The following DOCK1 variants were observed in gnomAD, a reference collection of about 807,000 sequenced individuals.
The protein encoded by DOCK1 is dedicator of cytokinesis protein 1.
Under a neutral mutation model 262.7 loss-of-function variants are expected in DOCK1, and 138 were observed. That is an observed-to-expected ratio of 0.53 (90% CI 0.46 to 0.61). The LOEUF is 0.61. Ranked by LOEUF, DOCK1 falls within the 20% of genes least tolerant of loss-of-function variation. The probability of loss-of-function intolerance (pLI) is 0.00; values close to 1 mark genes in which losing one functional copy is unlikely to be tolerated. For synonymous variants in DOCK1, 866 were observed against 867.4 expected, an observed-to-expected ratio of 1.00 and a Z score of 0.03; for missense variants, 1,908 against 2,370.7, an observed-to-expected ratio of 0.80 and a Z score of 4.05.
At chr10:126,958,532 G>T (rs2036931802) in intron 1 of DOCK1, among the ~76,000 whole-genome samples, 1 of 152,156 alleles carries the variant, frequency 6.6e-6, no homozygotes, top group Non-Finnish European at 1.5e-5. Flanking sequence ...AGGTGATGAT[G>T]TCTTGATTTA....
At chr10:126,989,937 C>A (rs890125409) in intron 5 of DOCK1, among the ~76,000 whole-genome samples, 1 of 152,160 alleles carries the variant, frequency 6.6e-6, no homozygotes, top group Non-Finnish European at 1.5e-5. Context: ...CAGCAGCCCG[C>A]CCAGGGTGGA....
intron 25 of DOCK1, among the ~76,000 whole-genome samples, chr10:127,121,138 A>G (rs2049534079): frequency 6.6e-6 from 1 of 152,108 alleles, no homozygotes; most frequent in African/African-American, 2.4e-5. Context: ...CCATAAAGTG[A>G]CCCAGGTTCC....
intron 1 of DOCK1, among the ~76,000 whole-genome samples, chr10:126,941,614 G>A (rs1326551890): frequency 6.6e-6 from 1 of 152,118 alleles, no homozygotes; most frequent in Non-Finnish European, 1.5e-5. Flanking sequence ...AAATTAGCCA[G>A]GCGTGGTGGC....
intron 40 of DOCK1, 138 bp from the exon 41 acceptor site, chr10:127,408,899 T>G (rs375341436): frequency 8.5e-7 from 1 of 1,169,882 alleles, no homozygotes; most frequent in Admixed American, 3.0e-5. Flanking sequence ...CAAAAAAAAA[T>G]AAAAATTACA....
At chr10:127,339,158 T>TA (rs2063319314) in intron 30 of DOCK1, 74 bp downstream of exon 30, 6 of 1,309,492 alleles carry the variant, frequency 4.6e-6, no homozygotes, top group Non-Finnish European at 6.4e-6. Flanking sequence ...GCCAGTATCT[T>TA]ACAGTATTTC....
intron 27 of DOCK1, among the ~76,000 whole-genome samples, chr10:127,204,767 G>T (rs2057635910): frequency 6.6e-6 from 1 of 152,194 alleles, no homozygotes; most frequent in South Asian, 2.1e-4. Context: ...CATTGAAGAA[G>T]ATCACCTAGG....
intron 2 of DOCK1, among the ~76,000 whole-genome samples, chr10:126,973,249 G>A (rs1348451925): frequency 1.3e-5 from 2 of 148,368 alleles, no homozygotes; most frequent in South Asian, 2.1e-4. Context: ...TTTTTTTTGA[G>A]ATGGAGGCTC....
chr10:127,173,966 G>A (rs1245920917), intron 27 of DOCK1, among the ~76,000 whole-genome samples: 1 of 152,218 alleles, frequency 6.6e-6, no homozygotes, highest in Admixed American at 6.5e-5. Flanking sequence ...AGCAGCCAGA[G>A]CCCAGGGCAG....
intron 18 of DOCK1, among the ~76,000 whole-genome samples, chr10:127,035,976 T>C (rs1164621859): frequency 1.3e-5 from 2 of 151,192 alleles, no homozygotes; most frequent in African/African-American, 4.9e-5. Flanking sequence ...CACCCCAGCC[T>C]GTATGACAGA....
At position 127,043,153 on chromosome 10, in the gene DOCK1, G is replaced by A. The variant is rs781005154; in HGVS notation, c.2190G>A (p.Thr730=). Residue 730 remains threonine (T), a synonymous_variant, in exon 21 of 52, where the codon ACG becomes ACA. Coordinates refer to ENST00000623213, the MANE Select transcript of DOCK1 (RefSeq NM_001290223.2). ...ACATTAAGAAACACTTTAGTGCAAC[G>A]TTAGCCTACACGTAAGTTCCTACTT... is the stretch of plus-strand genomic sequence containing the variant. ...ETYIKKHFSA[T]LAYTKLTKVL... The A allele has an allele frequency of 2.4e-5, 39 of 1,607,412 alleles. No homozygotes were observed. Among genetic ancestry groups the A allele is most frequent in the Admixed American group, 1.0e-4 (6 of 59,210 alleles).
chr10:126,978,626 A>T (rs2038723669), intron 3 of DOCK1, among the ~76,000 whole-genome samples: 1 of 152,138 alleles, frequency 6.6e-6, no homozygotes, highest in Non-Finnish European at 1.5e-5. Flanking sequence ...CGATGTTAAG[A>T]TTTTGAAGTA....
At chr10:127,439,960 C>T (rs533221652) in intron 49 of DOCK1, among the ~76,000 whole-genome samples, 4 of 152,048 alleles carry the variant, frequency 2.6e-5, no homozygotes, top group East Asian at 1.9e-4. Context: ...AATCTGTGTT[C>T]GTCTGTTTTG....
intron 29 of DOCK1, among the ~76,000 whole-genome samples, chr10:127,321,692 C>T (rs893429870): frequency 7.9e-5 from 12 of 151,618 alleles, no homozygotes; most frequent in Admixed American, 3.3e-4. Flanking sequence ...ACCTCTGCAG[C>T]GTCCTTCCCT....
At chr10:127,321,209 C>G (rs1322088146) in intron 29 of DOCK1, among the ~76,000 whole-genome samples, 2 of 144,948 alleles carry the variant, frequency 1.4e-5, no homozygotes, top group African/African-American at 5.1e-5. Flanking sequence ...CTATCTCTCT[C>G]CCTCTCCTCT....
chr10:127,439,495 G>A (rs1047833973), intron 49 of DOCK1, among the ~76,000 whole-genome samples: 3 of 152,190 alleles, frequency 2.0e-5, no homozygotes, highest in Non-Finnish European at 2.9e-5. Flanking sequence ...AGGCTCTGCC[G>A]CTCTGTTGGA....
Position 127,127,762 on chromosome 10 carries a change from A to G in DOCK1, c.2845A>G (p.Ile949Val), listed in dbSNP as rs2050055483. 1 of 1,609,940 alleles carries G rather than the reference A, an allele frequency of 6.2e-7. No individual in the cohort carries two copies. The highest frequency in any genetic ancestry group is 1.3e-5 in the African/African-American group (1 of 74,894). ...TTCCATGGGACGAGATTCTGAACTC[A>G]TTGTAAGTGCTTGGTGACATATGTT... ...VISMGRDSEL[I>V]GNFVACMTAI... Residue 949 changes from isoleucine (I) to valine (V), a missense_variant and splice_region_variant, in exon 27 of 52, where the codon ATT (isoleucine) becomes GTT (valine). By Grantham distance (29) the Ile-to-Val change is conservative. This residue lies in a region of DOCK1 where 518 missense variants were observed against 575.1 expected (regional missense o/e 0.90). Transcript: ENST00000623213.
In DOCK1 at chr10:126,938,282, A is replaced by C. The variant is rs1359090029; in HGVS notation, c.47-32420A>C. 2.0e-5 allele frequency among the ~76,000 whole-genome samples: 3 copies of C among 152,274 alleles called. No individual in the cohort carries two copies. In the East Asian group the frequency reaches 5.8e-4, roughly 29 times the overall value. On this transcript the variant is annotated intron_variant, in intron 1 of 51. Coordinates refer to ENST00000623213, the MANE Select transcript of DOCK1 (RefSeq NM_001290223.2). ...AGGCTTGTCTCAAACTCCCGACCTCAGGTGATCCGCCCGCCTCAGCATCCC... is the reference window on the plus strand; with the variant it reads ...AGGCTTGTCTCAAACTCCCGACCTCCGGTGATCCGCCCGCCTCAGCATCCC...
intron 31 of DOCK1, among the ~76,000 whole-genome samples, chr10:127,344,001 C>T (rs943207): frequency 0.51 from 77,709 of 151,996 alleles, 20,783 homozygotes; most frequent in Middle Eastern, 0.67. Context: ...TTTCAGCTTC[C>T]GGAGATAATT....
At chr10:127,037,911 A>G in intron 19 of DOCK1, 95 bp downstream of exon 19, 1 of 1,015,420 alleles carries the variant, frequency 9.8e-7, no homozygotes, top group South Asian at 1.7e-5. Context: ...AAGGTAGTAT[A>G]GGATTGTGGT....
Sources: allele counts gnomAD v4.1 joint callset (sites outside exome capture counted in the v4.1 genomes callset), GRCh38; gene constraint gnomAD v4.1.1; regional missense constraint gnomAD v4.1.1; transcripts MANE v1.5; gene names NCBI Gene and HGNC (gene_info 2026-07-23, HGNC 2026-07-21).